BZW2: variants seen among roughly 807,000 people sequenced by gnomAD.
BZW2 encodes eIF5-mimic protein 1.
A neutral mutation model predicts 53.2 loss-of-function variants in BZW2; 23 were observed. The observed-to-expected ratio is 0.43, with a 90% CI of 0.31 to 0.61. The LOEUF (loss-of-function observed/expected upper bound fraction) is 0.61, where lower values mean the gene tolerates loss of function less well. Ranked by LOEUF, BZW2 falls within the 20% of genes least tolerant of loss-of-function variation. The pLI is 0.09. For missense variants in BZW2, 409 were observed against 503.1 expected, an observed-to-expected ratio of 0.81 and a Z score of 1.79; for synonymous variants, 227 against 186.4, an observed-to-expected ratio of 1.22 and a Z score of -1.77.
intron 1 of BZW2, among the ~76,000 whole-genome samples, chr7:16,658,231 C>T (rs896342589): frequency 1.3e-5 from 2 of 151,990 alleles, no homozygotes; most frequent in African/African-American, 4.8e-5. Context: ...GGAAGTGATT[C>T]CTAGAATGAA....
chr7:16,658,357 G>T (rs1583702494), intron 1 of BZW2, among the ~76,000 whole-genome samples: 1 of 152,136 alleles, frequency 6.6e-6, no homozygotes, highest in East Asian at 1.9e-4. Context: ...TATTTAAAAT[G>T]TAATTTTTGT....
intron 2 of BZW2, among the ~76,000 whole-genome samples, chr7:16,668,300 A>G (rs909636134): frequency 1.3e-5 from 2 of 152,190 alleles, no homozygotes; most frequent in African/African-American, 4.8e-5. Flanking sequence ...AAGAACCAGA[A>G]AGTTTTCTCT....
chr7:16,653,886 T>A (rs1472943126), intron 1 of BZW2, among the ~76,000 whole-genome samples: 1 of 151,942 alleles, frequency 6.6e-6, no homozygotes. Flanking sequence ...TTTTTGTTTG[T>A]TTGATTTTGT....
intron 1 of BZW2, among the ~76,000 whole-genome samples, chr7:16,656,143 A>G (rs116742016): frequency 0.033 from 4,943 of 149,748 alleles, 304 homozygotes; most frequent in African/African-American, 0.12. Flanking sequence ...ATGACTATAT[A>G]TATATATACA....
intron 1 of BZW2, among the ~76,000 whole-genome samples, chr7:16,652,572 G>A (rs575461663): frequency 3.9e-5 from 6 of 152,286 alleles, no homozygotes; most frequent in African/African-American, 1.4e-4. Flanking sequence ...TCTGGAGTGC[G>A]ATGGTGTGAT....
intron 2 of BZW2, among the ~76,000 whole-genome samples, chr7:16,673,216 G>C (rs1782662260): frequency 6.6e-6 from 1 of 152,124 alleles, no homozygotes. Flanking sequence ...AAAGTGCTGG[G>C]ATTACAGGCG....
chr7:16,677,560 G>A (rs781067469), intron 3 of BZW2, among the ~76,000 whole-genome samples: 12 of 152,182 alleles, frequency 7.9e-5, no homozygotes, highest in Non-Finnish European at 1.5e-4. Context: ...CTAGCAGGCC[G>A]GTCCAGGGGT....
intron 3 of BZW2, among the ~76,000 whole-genome samples, chr7:16,676,481 G>T (rs1365092197): frequency 1.3e-5 from 2 of 151,944 alleles, no homozygotes; most frequent in Non-Finnish European, 2.9e-5. Flanking sequence ...CCAGGAAGTG[G>T]AGGTTGCAGT....
At position 16,691,618 on chromosome 7, in the gene BZW2, G is replaced by A. The variant is rs538713564; in HGVS notation, c.651+1712G>A. Among the ~76,000 whole-genome samples the A allele has an allele frequency of 1.5e-3, 223 of 152,298 alleles. 1 individual carries two copies. The highest frequency in any genetic ancestry group is 4.9e-3 in the African/African-American group (205 of 41,572). On this transcript the variant is annotated intron_variant, in intron 7 of 11. Coordinates refer to ENST00000258761, the MANE Select transcript of BZW2 (RefSeq NM_014038.3). The stretch of plus-strand genomic sequence containing the variant: ...CGCTGCCATGCCTGGCAATAGATTG[G>A]GAAAATCCAATCCACTAATAGGCTG...
chr7:16,671,888 G>A (rs906663018), intron 2 of BZW2, among the ~76,000 whole-genome samples: 7 of 135,044 alleles, frequency 5.2e-5, no homozygotes, highest in South Asian at 2.4e-4. Context: ...CCAAGATTGC[G>A]CCACTGCCCT....
intron 1 of BZW2, among the ~76,000 whole-genome samples, chr7:16,655,784 T>G (rs1462390896): frequency 6.6e-6 from 1 of 152,156 alleles, no homozygotes. Context: ...CCTCCCAAAG[T>G]GCTGGGATTA....
intron 3 of BZW2, among the ~76,000 whole-genome samples, chr7:16,680,402 C>T (rs144821887): frequency 2.0e-5 from 3 of 152,162 alleles, no homozygotes; most frequent in East Asian, 3.9e-4. Flanking sequence ...TTGGAAAGAA[C>T]CAGACTTATA....
intron 3 of BZW2, among the ~76,000 whole-genome samples, chr7:16,678,279 A>G (rs776897014): frequency 6.0e-5 from 9 of 151,178 alleles, no homozygotes; most frequent in African/African-American, 9.7e-5. Context: ...CTGGTCTCGA[A>G]CTCCTGACCT....
Position 16,696,941 on chromosome 7 carries a change from G to A in BZW2, c.849G>A (p.Met283Ile). The A allele has an allele frequency of 6.2e-7, 1 of 1,614,118 alleles. No individual in the cohort carries two copies. The highest frequency in any genetic ancestry group is 8.5e-7 in the Non-Finnish European group (1 of 1,179,990). Residue 283 changes from methionine to isoleucine, a missense_variant, in exon 9 of 12, where the codon ATG becomes ATA. Met to Ile is a conservative substitution (Grantham distance 10). Around this residue, in one of 3 missense-constraint regions of BZW2, gnomAD observed 316 missense variants for 366.8 expected, o/e 0.86. Transcript: ENST00000258761. ...TGGTGCTTTATGTCAAAGAAGAAAT[G>A]AAGAGGAATGATCTTCCAGAAACAG... ...KEVVLYVKEE[M>I]KRNDLPETAV...
At chr7:16,652,631 T>A (rs565037975) in intron 1 of BZW2, among the ~76,000 whole-genome samples, 42 of 152,276 alleles carry the variant, frequency 2.8e-4, no homozygotes, top group African/African-American at 9.9e-4. Context: ...TTCAAGTGAT[T>A]CTCCTGCCTC....
chr7:16,646,762 CT>C (rs1272539515), intron 1 of BZW2, among the ~76,000 whole-genome samples: 3 of 152,218 alleles, frequency 2.0e-5, no homozygotes, highest in African/African-American at 7.2e-5. Flanking sequence ...CTTGTCATCT[CT>C]TTGGCCTCTG....
chr7:16,681,206 G>C, intron 3 of BZW2, 95 bp from the exon 4 acceptor site: 1 of 963,694 alleles, frequency 1.0e-6, no homozygotes, highest in Non-Finnish European at 1.6e-6. Flanking sequence ...CATCTACTTT[G>C]ATTATTTTCT....
rs141329716 is a variant in BZW2, at chr7:16,704,746, G to T, written c.1231+77G>T. The T allele has an allele frequency of 1.5e-4, 199 of 1,321,074 alleles. 1 individual carries two copies. In the East Asian group the frequency reaches 4.8e-3, roughly 32 times the overall value. The allele number at this position is 1,321,074 out of a possible 1,614,324, so 81.8% of individuals were successfully genotyped here. On this transcript the variant is annotated intron_variant, in intron 11 of 11. Transcript: ENST00000258761. ...TGTCAAAATATTTACCTCTTCCACA[G>T]ATTTTACTTGATTTTCTAAAACTAA...
chr7:16,674,328 A>T (rs1322894943), intron 2 of BZW2, 84 bp from the exon 3 acceptor site: 3 of 1,083,998 alleles, frequency 2.8e-6, no homozygotes, highest in Non-Finnish European at 3.8e-6. Flanking sequence ...CCTATCTTAG[A>T]TAAAATAGAA....
Sources: gnomAD v4.1 joint callset for allele counts (sites outside exome capture counted in the v4.1 genomes callset) on GRCh38, gnomAD v4.1.1 for gene constraint, gnomAD v4.1.1 regional missense constraint, MANE v1.5 for transcripts, NCBI Gene and HGNC (gene_info 2026-07-23, HGNC 2026-07-21) for gene names.